Variants in LAMB4 observed in about 807,000 individuals in gnomAD.
LAMB4 encodes the protein laminin subunit beta-4.
Under a neutral mutation model 199.2 loss-of-function variants are expected in LAMB4, and 196 were observed. The observed-to-expected ratio is 0.98, with a 90% CI of 0.88 to 1.11. LAMB4 has a LOEUF of 1.11. Ranked by LOEUF, LAMB4 falls within the 50% of genes least tolerant of loss-of-function variation. The pLI is 0.00. For missense variants in LAMB4, 2,080 were observed against 2,171.2 expected, an observed-to-expected ratio of 0.96 and a Z score of 0.83; for synonymous variants, 744 against 770.6, an observed-to-expected ratio of 0.97 and a Z score of 0.57.
intron 9 of LAMB4, among the ~76,000 whole-genome samples, chr7:108,104,139 A>G (rs1406897022): frequency 1.3e-5 from 2 of 152,184 alleles, no homozygotes; most frequent in African/African-American, 4.8e-5. Context: ...GGAATGTATG[A>G]CTATTCAGGA....
intron 25 of LAMB4, 98 bp from the exon 26 acceptor site, chr7:108,052,355 C>A: frequency 1.1e-6 from 1 of 904,846 alleles, no homozygotes; most frequent in Non-Finnish European, 1.6e-6. Context: ...GTTAGGAATT[C>A]TTGATTAGAA....
Position 108,024,149 on chromosome 7 carries a change from G to A in LAMB4, c.5176C>T (p.Leu1726=). 1 of 1,575,078 alleles carries A rather than the reference G, an allele frequency of 6.3e-7. No homozygotes were observed. ...TGATCAGCTTTTGCTTGTCTACTTA[G>A]ATTCAAATCTTGGATTTTCCTTTCT... ...DLERKIQDLN[L]SRQAKADQLR... The change falls in exon 34 of 34, where the codon CTA becomes TTA. Residue 1726 remains leucine, a synonymous_variant. Coordinates refer to ENST00000388781, the MANE Select transcript of LAMB4 (RefSeq NM_007356.3).
intron 17 of LAMB4, among the ~76,000 whole-genome samples, chr7:108,074,347 A>G (rs906430986): frequency 3.9e-5 from 6 of 152,164 alleles, no homozygotes; most frequent in African/African-American, 1.4e-4. Flanking sequence ...ACTGAAAACT[A>G]ATTGAATGCA....
the LAMB4 span, among the ~76,000 whole-genome samples, chr7:108,012,650 A>C: frequency 4.6e-5 from 7 of 152,226 alleles, no homozygotes; most frequent in Non-Finnish European, 1.0e-4. Flanking sequence ...GGTGACTTAC[A>C]TCACATCTGT....
chr7:108,114,362 C>A (rs2038338359), intron 3 of LAMB4, among the ~76,000 whole-genome samples: 1 of 152,058 alleles, frequency 6.6e-6, no homozygotes. Context: ...TCACCTGAGC[C>A]TGGGAGGTTG....
intron 14 of LAMB4, among the ~76,000 whole-genome samples, chr7:108,090,400 A>G (rs368013169): frequency 6.6e-6 from 1 of 152,196 alleles, no homozygotes; most frequent in Admixed American, 6.5e-5. Flanking sequence ...TAACTTGTTA[A>G]GAAAAATTCA....
intron 14 of LAMB4, among the ~76,000 whole-genome samples, chr7:108,087,792 C>A (rs955531097): frequency 2.0e-5 from 3 of 152,192 alleles, no homozygotes; most frequent in South Asian, 2.1e-4. Context: ...ACTCTCTAAC[C>A]CTTCAGAACC....
chr7:108,095,035 G>C lies in LAMB4; in HGVS notation c.1470+193C>G, dbSNP rs560201426. Among the ~76,000 whole-genome samples, 6 of 152,066 alleles carry C rather than the reference G, an allele frequency of 3.9e-5. No homozygotes were observed. The South Asian group carries it at 1.2e-3, about 31-fold the overall frequency. On this transcript the variant is annotated intron_variant, in intron 12 of 33. Coordinates refer to ENST00000388781, the MANE Select transcript of LAMB4 (RefSeq NM_007356.3). ...GTGGTGAGCTGGTAAATGTTTAACA[G>C]GCAGCTCAATGCAGGGGTGAGGGGA...
chr7:108,100,585 C>G (rs1234025536), intron 10 of LAMB4, among the ~76,000 whole-genome samples: 1 of 152,078 alleles, frequency 6.6e-6, no homozygotes, highest in Non-Finnish European at 1.5e-5. Flanking sequence ...AGTTTTCTTT[C>G]CAAAGCACTA....
the LAMB4 span, among the ~76,000 whole-genome samples, chr7:108,012,037 T>G: frequency 1.1e-3 from 172 of 150,140 alleles, 1 homozygote; most frequent in African/African-American, 4.3e-3. Context: ...TTAACATAAT[T>G]TCTAATTTTC....
In LAMB4 at chr7:108,065,860, C is replaced by G; in HGVS notation, c.2738G>C (p.Cys913Ser). 3 of 1,614,108 alleles carry G rather than the reference C, an allele frequency of 1.9e-6. No individual in the cohort carries two copies. The highest frequency in any genetic ancestry group is 2.5e-6 in the Non-Finnish European group (3 of 1,179,970). ...SSGQPCRPCL[C>S]PDDPSSNQYF... ...CTGATTGCTTGAGGGATCATCTGGA[C>G]ACAGGCAAGGACGACAGGGCTGTCC... Residue 913 changes from cysteine (C) to serine (S), a missense_variant, in exon 21 of 34, where the codon TGT becomes TCT. By Grantham distance (112) the Cys-to-Ser change is moderately radical (BLOSUM62 -1). Transcript: ENST00000388781.
In LAMB4 at chr7:108,055,846, G is replaced by A. The variant is rs1355278584; in HGVS notation, c.3541C>T (p.Gln1181Ter). 1.2e-6 allele frequency: 2 copies of A among 1,614,042 alleles called. No individual in the cohort carries two copies. The highest frequency in any genetic ancestry group is 1.7e-6 in the Non-Finnish European group (2 of 1,180,024). ...TCLQCHLCFDQWDHTISSLSK... is the reference protein window; with the variant it reads ...TCLQCHLCFD ...AGGGAAGAAATGGTGTGGTCCCACTGATCAAAGCACAAGTGACATTGAAGA... is the reference window on the plus strand; with the variant it reads ...AGGGAAGAAATGGTGTGGTCCCACTAATCAAAGCACAAGTGACATTGAAGA... Residue 1181 changes from glutamine to a stop codon, truncating the protein, a stop_gained, in exon 25 of 34, where the codon CAG (glutamine) becomes TAG (stop). Coordinates refer to ENST00000388781, the MANE Select transcript of LAMB4 (RefSeq NM_007356.3). LOFTEE classifies it high-confidence loss of function.
intron 29 of LAMB4, 96 bp from the exon 30 acceptor site, chr7:108,037,691 T>A: frequency 1.2e-6 from 1 of 865,310 alleles, no homozygotes; most frequent in Non-Finnish European, 1.9e-6. Context: ...CAAATGCACT[T>A]GCACTTGATT....
intron 30 of LAMB4, among the ~76,000 whole-genome samples, chr7:108,036,563 T>A (rs2035238355): frequency 6.6e-6 from 1 of 152,066 alleles, no homozygotes; most frequent in Non-Finnish European, 1.5e-5. Flanking sequence ...GGGTTGGACT[T>A]TTGGATGAAT....
At chr7:108,071,191 C>T (rs1311558132) in intron 17 of LAMB4, among the ~76,000 whole-genome samples, 3 of 152,196 alleles carry the variant, frequency 2.0e-5, no homozygotes, top group Non-Finnish European at 4.4e-5. Context: ...CTGCCCCTGT[C>T]TCTGCCCTTT....
At position 108,049,351 on chromosome 7, in the gene LAMB4, G is replaced by A. The variant is rs1420175900; in HGVS notation, c.4097C>T (p.Pro1366Leu). ...CTTTTCATTCAATATTTGGATATCT[G>A]GTATCTTAATCTGCTTTAATCTTTC... Reference protein sequence around the residue: ...SLERLKQIKIPDIQILNEKVC... With the variant: ...SLERLKQIKILDIQILNEKVC... The change falls in exon 27 of 34, where the codon CCA becomes CTA. Residue 1366 changes from proline (P) to leucine (L), a missense_variant. Transcript: ENST00000388781. 2.5e-6 allele frequency: 4 copies of A among 1,571,288 alleles called. No individual in the cohort carries two copies. The highest frequency in any genetic ancestry group is 3.5e-6 in the Non-Finnish European group (4 of 1,145,114).
intron 10 of LAMB4, among the ~76,000 whole-genome samples, chr7:108,102,072 C>T (rs975322798): frequency 2.0e-5 from 3 of 152,198 alleles, no homozygotes; most frequent in African/African-American, 7.2e-5. Context: ...GAAGTCCATA[C>T]TCCATGGCCC....
intron 29 of LAMB4, among the ~76,000 whole-genome samples, chr7:108,038,316 T>C (rs71566749): frequency 0.075 from 11,349 of 152,174 alleles, 598 homozygotes; most frequent in Non-Finnish European, 0.11. Context: ...TGCACCACCA[T>C]GCCCAGCTAA....
chr7:108,053,641 G>A (rs1236645719), intron 25 of LAMB4, among the ~76,000 whole-genome samples: 1 of 152,204 alleles, frequency 6.6e-6, no homozygotes, highest in Non-Finnish European at 1.5e-5. Flanking sequence ...GGTTGAAGAA[G>A]CTCAGCAGCC....
Sources: allele counts gnomAD v4.1 joint callset (sites outside exome capture counted in the v4.1 genomes callset), GRCh38; gene constraint gnomAD v4.1.1; transcripts MANE v1.5; gene names NCBI Gene and HGNC (gene_info 2026-07-23, HGNC 2026-07-21).